Variants in SCHIP1 observed in about 807,000 individuals in gnomAD.
SCHIP1 encodes schwannomin interacting protein 1.
SCHIP1 carries 8 observed loss-of-function variants against 29.7 expected under a neutral mutation model. The ratio of observed to expected loss-of-function variants is 0.27; its 90% CI spans 0.16 to 0.49. The LOEUF is 0.49. Ranked by LOEUF, SCHIP1 falls within the 20% of genes least tolerant of loss-of-function variation. SCHIP1 has a pLI of 0.99. For synonymous variants in SCHIP1, 76 were observed against 94.9 expected (o/e 0.80, Z 1.16); for missense variants, 193 against 294.6 (o/e 0.66, Z 2.52).
At chr3:159,503,987 A>G in the SCHIP1 span, among the ~76,000 whole-genome samples, 1 of 152,216 alleles carries the variant, frequency 6.6e-6, no homozygotes, top group East Asian at 1.9e-4. Context: ...TTTGTGCAAG[A>G]AGTAAAGTGC....
chr3:159,603,505 C>T, the SCHIP1 span, among the ~76,000 whole-genome samples: 1 of 152,172 alleles, frequency 6.6e-6, no homozygotes, highest in Non-Finnish European at 1.5e-5. Context: ...TATCTAGGGG[C>T]TGCCAGCCAT....
chr3:159,562,839 A>T, the SCHIP1 span, among the ~76,000 whole-genome samples: 2 of 152,068 alleles, frequency 1.3e-5, no homozygotes, highest in Non-Finnish European at 2.9e-5. Context: ...TTTTCCTAGG[A>T]GGTCTCTTAT....
the SCHIP1 span, among the ~76,000 whole-genome samples, chr3:159,819,499 C>A: frequency 1.3e-5 from 2 of 152,074 alleles, no homozygotes; most frequent in Non-Finnish European, 2.9e-5. Flanking sequence ...AAAAACAAAA[C>A]AAAACAAAAA....
chr3:159,673,998 C>T, the SCHIP1 span, among the ~76,000 whole-genome samples: 4 of 152,232 alleles, frequency 2.6e-5, no homozygotes, highest in South Asian at 6.2e-4. Flanking sequence ...AAGTGTTTAC[C>T]CAATGCTTTC....
At chr3:159,368,723 T>TGAGA in the SCHIP1 span, among the ~76,000 whole-genome samples, 3 of 140,422 alleles carry the variant, frequency 2.1e-5, no homozygotes, top group African/African-American at 8.0e-5. Context: ...GTGGGCATGG[T>TGAGA]GAGAGATAGG....
chr3:159,779,630 A>G, the SCHIP1 span, among the ~76,000 whole-genome samples: 2 of 152,048 alleles, frequency 1.3e-5, no homozygotes, highest in East Asian at 3.9e-4. Context: ...CCAAGATCGC[A>G]CCATGGCACT....
chr3:159,876,767 T>C (rs1028434147), intron 2 of SCHIP1, among the ~76,000 whole-genome samples: 2 of 152,202 alleles, frequency 1.3e-5, no homozygotes, highest in African/African-American at 4.8e-5. Flanking sequence ...AGGTGAAACA[T>C]GTTGGCAAAT....
the SCHIP1 span, among the ~76,000 whole-genome samples, chr3:159,688,368 T>C: frequency 7.2e-5 from 11 of 152,244 alleles, no homozygotes; most frequent in Admixed American, 7.2e-4. Context: ...TGAGCTTTTT[T>C]TCATAGGTTT....
At chr3:159,423,910 G>A in the SCHIP1 span, among the ~76,000 whole-genome samples, 17 of 152,140 alleles carry the variant, frequency 1.1e-4, no homozygotes, top group East Asian at 1.5e-3. Flanking sequence ...ATGAAAAACC[G>A]CTGTTCTGCA....
the SCHIP1 span, among the ~76,000 whole-genome samples, chr3:159,732,849 G>A: frequency 1.3e-5 from 2 of 152,198 alleles, no homozygotes; most frequent in South Asian, 4.1e-4. Flanking sequence ...GGAGCTACAG[G>A]ACCAGACTGC....
chr3:159,886,458 C>A, intron 3 of SCHIP1, 134 bp downstream of exon 4: 5 of 723,556 alleles, frequency 6.9e-6, no homozygotes, highest in South Asian at 4.3e-5. Flanking sequence ...ATTGCATGCT[C>A]CTAAAATTTG....
At chr3:159,463,508 A>T in the SCHIP1 span, among the ~76,000 whole-genome samples, 1 of 152,140 alleles carries the variant, frequency 6.6e-6, no homozygotes, top group South Asian at 2.1e-4. Flanking sequence ...AAGTGTTCCC[A>T]GGGTCATACC....
At chr3:159,557,842 A>C in the SCHIP1 span, among the ~76,000 whole-genome samples, 1 of 152,208 alleles carries the variant, frequency 6.6e-6, no homozygotes, top group East Asian at 1.9e-4. Flanking sequence ...TATAAACTAA[A>C]CTTTCCTCAA....
At chr3:159,509,260 A>C in the SCHIP1 span, among the ~76,000 whole-genome samples, 1 of 152,152 alleles carries the variant, frequency 6.6e-6, no homozygotes, top group Non-Finnish European at 1.5e-5. Flanking sequence ...GTTGGTTTAA[A>C]GTCCCTTTTA....
At chr3:159,421,466 T>C in the SCHIP1 span, among the ~76,000 whole-genome samples, 2 of 152,216 alleles carry the variant, frequency 1.3e-5, no homozygotes, top group African/African-American at 4.8e-5. Context: ...CTTTGCTTTT[T>C]CTTTACTCTA....
chr3:159,861,608 G>C lies in SCHIP1; in HGVS notation c.31-4555G>C, dbSNP rs1250430309. Among the ~76,000 whole-genome samples the C allele has an allele frequency of 6.6e-6, 1 of 152,150 alleles. No individual in the cohort carries two copies. Among genetic ancestry groups the C allele is most frequent in the Non-Finnish European group, 1.5e-5 (1 of 68,024 alleles). Reference sequence around the variant, plus strand: ...AACAGATGAGGACAAAAACTTCCTGGGGCTGAATAGCGGTGAGTTTCTAAT... The same window carrying C: ...AACAGATGAGGACAAAAACTTCCTGCGGCTGAATAGCGGTGAGTTTCTAAT... On this transcript the variant is annotated intron_variant, in intron 1 of 6. Transcript: ENST00000445224. This position sits in a 1 kb window ranked among gnomAD's most constrained non-coding sequence, Gnocchi z 4.1.
the SCHIP1 span, among the ~76,000 whole-genome samples, chr3:159,522,629 A>AGGAGGCGGAGGC: frequency 6.6e-6 from 1 of 152,298 alleles, no homozygotes; most frequent in South Asian, 2.1e-4. Flanking sequence ...CCAGCACTTT[A>AGGAGGCGGAGGC]GGAGGCGGAG....
At chr3:159,446,233 C>T in the SCHIP1 span, among the ~76,000 whole-genome samples, 13 of 152,072 alleles carry the variant, frequency 8.5e-5, no homozygotes, top group African/African-American at 2.4e-4. Flanking sequence ...AACACACACA[C>T]ACACATATGC....
the SCHIP1 span, among the ~76,000 whole-genome samples, chr3:159,332,885 G>A: frequency 6.6e-6 from 1 of 152,312 alleles, no homozygotes; most frequent in East Asian, 1.9e-4. Context: ...ATATGTTTCT[G>A]GGTTTTTACT....
Sources: gnomAD v4.1 joint callset for allele counts (sites outside exome capture counted in the v4.1 genomes callset) on GRCh38, gnomAD v4.1.1 for gene constraint, Gnocchi (gnomAD v3.1) non-coding constraint, MANE v1.5 for transcripts, NCBI Gene and HGNC (gene_info 2026-07-23, HGNC 2026-07-21) for gene names.